CRB1: variants seen among roughly 807,000 people sequenced by gnomAD.
CRB1 encodes the protein protein crumbs homolog 1.
CRB1 carries 83 observed loss-of-function variants against 120.0 expected under a neutral mutation model. The ratio of observed to expected loss-of-function variants is 0.69; its 90% CI spans 0.58 to 0.83. The LOEUF is 0.83. Ranked by LOEUF, CRB1 falls within the 40% of genes least tolerant of loss-of-function variation. The pLI is 0.00. For missense variants in CRB1, 1,699 were observed against 1,687.6 expected (o/e 1.01, Z -0.12); for synonymous variants, 625 against 612.5 (o/e 1.02, Z -0.30).
At chr1:197,401,415 G>T (rs933810914) in intron 5 of CRB1, among the ~76,000 whole-genome samples, 9 of 152,028 alleles carry the variant, frequency 5.9e-5, no homozygotes, top group African/African-American at 1.9e-4. Flanking sequence ...GTAAGACAAA[G>T]AATTTAGCAT....
intron 11 of CRB1, among the ~76,000 whole-genome samples, chr1:197,472,056 G>T (rs1263647837): frequency 6.6e-6 from 1 of 152,140 alleles, no homozygotes. Flanking sequence ...ATTTTTCCAT[G>T]AATCACTAAT....
At chr1:197,330,546 A>C (rs1658788544) in intron 2 of CRB1, among the ~76,000 whole-genome samples, 1 of 152,128 alleles carries the variant, frequency 6.6e-6, no homozygotes. Flanking sequence ...TTCTTATACA[A>C]GTCATTTCTT....
chr1:197,381,410 A>C lies in CRB1; in HGVS notation c.1171+24397A>C, dbSNP rs530730919. Among the ~76,000 whole-genome samples the C allele has an allele frequency of 3.3e-5, 5 of 152,350 alleles. No individual in the cohort carries two copies. In the South Asian group the frequency reaches 1.0e-3, roughly 32 times the overall value. On this transcript the variant is annotated intron_variant, in intron 5 of 11. Transcript: ENST00000367400. ...TTATAATAAACATGCAGACATAATC[A>C]TCAAACATAGAATTCTCCTTTCAGT... is the stretch of plus-strand genomic sequence containing the variant.
the CRB1 span, among the ~76,000 whole-genome samples, chr1:197,219,988 A>C: frequency 6.6e-6 from 1 of 152,240 alleles, no homozygotes; most frequent in Non-Finnish European, 1.5e-5. Flanking sequence ...TGACCCAGTC[A>C]CATGTTTTCC....
At position 197,435,013 on chromosome 1, in the gene CRB1, G is replaced by A. The variant is rs775734395; in HGVS notation, c.3150G>A (p.Arg1050=). 6.2e-7 allele frequency: 1 copy of A among 1,613,806 alleles called. No homozygotes were observed. The highest frequency in any genetic ancestry group is 1.3e-5 in the African/African-American group (1 of 74,898). The stretch of plus-strand genomic sequence containing the variant: ...CAGACCCACTGTCCCAGACCTCCAG[G>A]TGGCAAATGGAAGTGGACAACGAAA... The part of the protein sequence containing the change: ...SMTDPLSQTS[R]WQMEVDNETP... Residue 1050 remains arginine, a synonymous_variant, in exon 9 of 12, where the codon AGG becomes AGA. Coordinates refer to ENST00000367400, the MANE Select transcript of CRB1 (RefSeq NM_201253.3).
At chr1:197,281,178 C>T (rs1655502070) in intron 1 of CRB1, among the ~76,000 whole-genome samples, 1 of 151,860 alleles carries the variant, frequency 6.6e-6, no homozygotes, top group South Asian at 2.1e-4. Flanking sequence ...TGTGAGGGAA[C>T]AGGCAAGAAA....
At chr1:197,473,170 A>G (rs1667054081) in intron 11 of CRB1, among the ~76,000 whole-genome samples, 1 of 152,184 alleles carries the variant, frequency 6.6e-6, no homozygotes, top group Non-Finnish European at 1.5e-5. Flanking sequence ...GGAAAACAGT[A>G]TATGTAGGCT....
At chr1:197,308,924 GTA>G (rs1286130331) in intron 1 of CRB1, among the ~76,000 whole-genome samples, 1 of 150,244 alleles carries the variant, frequency 6.7e-6, no homozygotes, top group Non-Finnish European at 1.5e-5. Context: ...ATATATGTGG[GTA>G]TATATACATA....
chr1:197,244,401 C>T, the CRB1 span, among the ~76,000 whole-genome samples: 10 of 152,008 alleles, frequency 6.6e-5, no homozygotes, highest in South Asian at 1.5e-3. Context: ...GTCTTGGTAT[C>T]TGTTTCATCC....
chr1:197,365,238 G>A (rs1290862830), intron 5 of CRB1, among the ~76,000 whole-genome samples: 2 of 152,178 alleles, frequency 1.3e-5, no homozygotes, highest in Non-Finnish European at 2.9e-5. Flanking sequence ...AGAAATGGGA[G>A]TCTTTGATTT....
At chr1:197,442,751 A>G in intron 11 of CRB1, 1 of 270,284 alleles carries the variant, frequency 3.7e-6, no homozygotes, top group Non-Finnish European at 6.9e-6. Context: ...GTATTTTCAC[A>G]TTTTAAGTTG....
In CRB1 at chr1:197,435,271, CTGTT is replaced by C; in HGVS notation, c.3411_3414del (p.Leu1138SerfsTer2). On this transcript the variant is annotated frameshift_variant, in exon 9 of 12. Transcript: ENST00000367400. LOFTEE classifies it high-confidence loss of function. ...TCTCTACCAATTCAGTGGTCACTGG[CTGTT>C]TGCAGTTAAATGTCTGCAACTCCAA... The C allele has an allele frequency of 6.2e-7, 1 of 1,613,870 alleles. No homozygotes were observed. The highest frequency in any genetic ancestry group is 1.1e-5 in the South Asian group (1 of 91,076).
chr1:197,266,498 A>G (rs1654637824), upstream of CRB1, among the ~76,000 whole-genome samples: 1 of 152,168 alleles, frequency 6.6e-6, no homozygotes, highest in South Asian at 2.1e-4. Context: ...AAGGGGGGAA[A>G]ACATTCAGAC....
At chr1:197,271,381 G>A (rs1654900781) in intron 1 of CRB1, among the ~76,000 whole-genome samples, 3 of 152,130 alleles carry the variant, frequency 2.0e-5, no homozygotes, top group Non-Finnish European at 1.5e-5. Flanking sequence ...CCAGGGGAAC[G>A]CTGTTTATGT....
At chr1:197,407,491 G>C (rs937216338) in intron 5 of CRB1, among the ~76,000 whole-genome samples, 9 of 152,184 alleles carry the variant, frequency 5.9e-5, no homozygotes, top group Admixed American at 5.9e-4. Flanking sequence ...GATAAAATTT[G>C]TGTCTCTGAA....
the CRB1 span, among the ~76,000 whole-genome samples, chr1:197,255,552 G>T: frequency 1.3e-5 from 2 of 152,044 alleles, no homozygotes; most frequent in Non-Finnish European, 2.9e-5. Context: ...ATGAGCATTA[G>T]TAATTATAAG....
chr1:197,311,700 TG>T (rs1031829542), intron 1 of CRB1, among the ~76,000 whole-genome samples: 1 of 12,286 alleles, frequency 8.1e-5, no homozygotes, highest in Non-Finnish European at 1.5e-4. Context: ...ATATAGTTAG[TG>T]TGTGTGTGTG....
At chr1:197,438,766 T>G (rs1266255867) in intron 10 of CRB1, 91 bp downstream of exon 10, 1 of 1,492,554 alleles carries the variant, frequency 6.7e-7, no homozygotes, top group Admixed American at 1.7e-5. Context: ...ATTTTTTATC[T>G]CAGTTCCCAT....
intron 5 of CRB1, among the ~76,000 whole-genome samples, chr1:197,361,651 T>C (rs1660774864): frequency 6.6e-6 from 1 of 152,082 alleles, no homozygotes; most frequent in Admixed American, 6.5e-5. Context: ...ATTACTCTTT[T>C]AATGGCTACA....
Sources: gnomAD v4.1 joint callset for allele counts (sites outside exome capture counted in the v4.1 genomes callset) on GRCh38, gnomAD v4.1.1 for gene constraint, MANE v1.5 for transcripts, NCBI Gene and HGNC (gene_info 2026-07-23, HGNC 2026-07-21) for gene names.